The following RAVER2 variants were observed in gnomAD, a reference collection of about 807,000 sequenced individuals.
The protein encoded by RAVER2 is ribonucleoprotein PTB-binding 2.
In RAVER2, 46 loss-of-function variants were observed where a neutral mutation model predicts 78.1. That is an observed-to-expected ratio of 0.59 (90% CI 0.46 to 0.75). The LOEUF is 0.75. Among genes scored for constraint, RAVER2 ranks in the 30% least tolerant of loss-of-function variants. The pLI is 0.00. For synonymous variants in RAVER2, 311 were observed against 313.3 expected (o/e 0.99, Z 0.08); for missense variants, 793 against 837.5 (o/e 0.95, Z 0.66).
At chr1:64,799,657 T>G (rs1021459689) in intron 5 of RAVER2, among the ~76,000 whole-genome samples, 1 of 152,108 alleles carries the variant, frequency 6.6e-6, no homozygotes, top group Non-Finnish European at 1.5e-5. Flanking sequence ...GCCAGGCTGA[T>G]CTCGAGCTCC....
rs535618938 is a variant in RAVER2 at position 64,783,240 on chromosome 1, A to T, written c.978+1669A>T. ...GCATGATTGATAATCCTTTGGGTAT[A>T]TATCCAGTAATGGAATAGCTGGGTC... On this transcript the variant is annotated intron_variant, in intron 4 of 11. Transcript: ENST00000294428. Among the ~76,000 whole-genome samples, 26 of 152,286 alleles carry T rather than the reference A, an allele frequency of 1.7e-4. No individual in the cohort carries two copies. The South Asian group carries it at 5.4e-3, about 32-fold the overall frequency.
intron 5 of RAVER2, among the ~76,000 whole-genome samples, chr1:64,796,286 C>T (rs1231474175): frequency 6.6e-6 from 1 of 151,836 alleles, no homozygotes; most frequent in Non-Finnish European, 1.5e-5. Context: ...TTATGCTGCC[C>T]TCATGGAATG....
chr1:64,810,372 A>G (rs578074753), intron 9 of RAVER2, among the ~76,000 whole-genome samples: 1 of 152,198 alleles, frequency 6.6e-6, no homozygotes, highest in Non-Finnish European at 1.5e-5. Flanking sequence ...CCAGTGTGTG[A>G]TGAGGATACT....
chr1:64,806,426 A>C (rs1161492560), intron 8 of RAVER2, among the ~76,000 whole-genome samples: 1 of 152,178 alleles, frequency 6.6e-6, no homozygotes, highest in Non-Finnish European at 1.5e-5. Flanking sequence ...AACAAACAAA[A>C]AAACCCTTTT....
chr1:64,781,643 C>A, intron 4 of RAVER2, 72 bp downstream of exon 4: 1 of 1,381,970 alleles, frequency 7.2e-7, no homozygotes, highest in Non-Finnish European at 9.7e-7. Context: ...TCTATCCAGT[C>A]TAGCCAAAGT....
chr1:64,763,126 G>T (rs558681130), intron 1 of RAVER2, among the ~76,000 whole-genome samples: 3 of 151,912 alleles, frequency 2.0e-5, no homozygotes, highest in South Asian at 2.1e-4. Flanking sequence ...TGGCTAACAC[G>T]GTGAAACTCC....
chr1:64,752,676 C>A (rs1651732724), intron 1 of RAVER2, among the ~76,000 whole-genome samples: 1 of 152,122 alleles, frequency 6.6e-6, no homozygotes, highest in Non-Finnish European at 1.5e-5. Context: ...AACCAAAGAA[C>A]ACAGTTCTTC....
At chr1:64,812,585 C>T (rs1031198827) in intron 9 of RAVER2, among the ~76,000 whole-genome samples, 153 bp from the exon 10 acceptor site, 1 of 152,090 alleles carries the variant, frequency 6.6e-6, no homozygotes, top group African/African-American at 2.4e-5. Flanking sequence ...AATTGAACAA[C>T]TAATAACAGG....
At chr1:64,813,721 T>C (rs1348169639) in intron 10 of RAVER2, among the ~76,000 whole-genome samples, 1 of 151,964 alleles carries the variant, frequency 6.6e-6, no homozygotes, top group Non-Finnish European at 1.5e-5. Context: ...TAAAGGCACT[T>C]CTAGTATACC....
Position 64,781,576 on chromosome 1 carries a change from GT to G in RAVER2, c.978+11del. On this transcript the variant is annotated splice_donor_region_variant and intron_variant, in intron 4 of 11. Transcript: ENST00000294428. ...TTGATAGCGGCTCAACGTGTGGTAA[GT>G]TTTTTCTCTTTCTGTCTCTTTTTTT... The G allele has an allele frequency of 6.2e-7, 1 of 1,605,052 alleles. No homozygotes were observed. Among genetic ancestry groups the G allele is most frequent in the Non-Finnish European group, 8.5e-7 (1 of 1,176,810 alleles).
chr1:64,805,548 A>G (rs1383840480), intron 8 of RAVER2, among the ~76,000 whole-genome samples: 1 of 152,248 alleles, frequency 6.6e-6, no homozygotes, highest in Admixed American at 6.5e-5. Context: ...TCAGTAGTCA[A>G]AACTAATGTG....
intron 2 of RAVER2, among the ~76,000 whole-genome samples, chr1:64,770,691 T>C (rs891357771): frequency 9.2e-5 from 14 of 152,018 alleles, no homozygotes; most frequent in Admixed American, 7.2e-4. Context: ...TAGTGTTCCA[T>C]ATATATAGTA....
chr1:64,750,509 C>T (rs1570521214), intron 1 of RAVER2, among the ~76,000 whole-genome samples: 1 of 151,978 alleles, frequency 6.6e-6, no homozygotes, highest in South Asian at 2.1e-4. Flanking sequence ...CACGGTCTCT[C>T]TATGTTGCCC....
At chr1:64,772,183 T>G (rs182785117) in intron 2 of RAVER2, among the ~76,000 whole-genome samples, 7 of 152,232 alleles carry the variant, frequency 4.6e-5, no homozygotes, top group Middle Eastern at 3.4e-3. Flanking sequence ...TGAATTTTTT[T>G]ATTTTTTATT....
At chr1:64,764,851 T>C (rs1301670792) in intron 1 of RAVER2, among the ~76,000 whole-genome samples, 1 of 152,156 alleles carries the variant, frequency 6.6e-6, no homozygotes, top group Admixed American at 6.5e-5. Context: ...GATGAAGTCC[T>C]CCTCTCCCCA....
At position 64,745,486 on chromosome 1, in the gene RAVER2, C is replaced by T. The variant is rs774801706; in HGVS notation, c.249+65C>T. The T allele has an allele frequency of 3.4e-6, 5 of 1,452,512 alleles. No homozygotes were observed. The highest frequency in any genetic ancestry group is 4.6e-6 in the Non-Finnish European group (5 of 1,089,012). The allele number at this position is 1,452,512 out of a possible 1,614,324, so 90.0% of individuals were successfully genotyped here. ...GGCGGGGCGGCGCTCCGTGTCCAGG[C>T]TGGGATCGGGGGCGCCTCAGAGCGG... On this transcript the variant is annotated intron_variant, in intron 1 of 11. Coordinates refer to ENST00000294428, the Ensembl canonical transcript of RAVER2. This position sits in a 1 kb window ranked among gnomAD's most constrained non-coding sequence, Gnocchi z 4.3.
Position 64,778,627 on chromosome 1 carries a change from T to A in RAVER2, c.786+535T>A, listed in dbSNP as rs1652538827. Among the ~76,000 whole-genome samples, 3 of 152,026 alleles carry A rather than the reference T, an allele frequency of 2.0e-5. No homozygotes were observed. The South Asian group carries it at 6.2e-4, about 32-fold the overall frequency. ...CGGTAGGTGAGACATCTAGAGAAGA[T>A]CCTGAAAACTGATAACACTGGCGAG... On this transcript the variant is annotated intron_variant, in intron 3 of 11. Coordinates refer to ENST00000294428, the Ensembl canonical transcript of RAVER2.
chr1:64,786,595 A>G (rs1652786466), intron 4 of RAVER2, among the ~76,000 whole-genome samples: 1 of 152,024 alleles, frequency 6.6e-6, no homozygotes. Flanking sequence ...GTTTGAGACC[A>G]GCCTGGCCAA....
At chr1:64,789,508 A>C in exon 5 of RAVER2, 4 of 1,604,278 alleles carry the variant, frequency 2.5e-6, no homozygotes. Context: ...ACGAGCTGTT[A>C]AACCAGGTAT....
Sources: gnomAD v4.1 joint callset for allele counts (sites outside exome capture counted in the v4.1 genomes callset) on GRCh38, gnomAD v4.1.1 for gene constraint, Gnocchi (gnomAD v3.1) non-coding constraint, MANE v1.5 for transcripts, NCBI Gene and HGNC (gene_info 2026-07-23, HGNC 2026-07-21) for gene names.